The following KANK1 variants were observed in gnomAD, a reference collection of about 807,000 sequenced individuals.
KANK1 encodes KN motif and ankyrin repeat domains 1.
In KANK1, 109 loss-of-function variants were observed where a neutral mutation model predicts 106.2. The ratio of observed to expected loss-of-function variants is 1.03; its 90% confidence interval spans 0.88 to 1.20. The LOEUF (loss-of-function observed/expected upper bound fraction) is 1.20, where lower values mean the gene tolerates loss of function less well. Among genes scored for constraint, KANK1 ranks in the 50% most tolerant of loss-of-function variants. The pLI, the probability that KANK1 is intolerant of heterozygous loss-of-function variation, is 0.00. For synonymous variants in KANK1, 873 were observed against 652.2 expected, an observed-to-expected ratio of 1.34 and a Z score of -5.16; for missense variants, 2,399 against 1,710.7, an observed-to-expected ratio of 1.40 and a Z score of -7.10.
chr9:616,430 G>A (rs375979422), intron 1 of KANK1, among the ~76,000 whole-genome samples: 7 of 152,216 alleles, frequency 4.6e-5, no homozygotes, highest in African/African-American at 4.8e-5. Context: ...TTTAATTTAC[G>A]AAACCTCTAT....
At chr9:686,726 A>G in intron 2 of KANK1, 1 of 978,044 alleles carries the variant, frequency 1.0e-6, no homozygotes, top group Non-Finnish European at 1.2e-6. Context: ...TCATAAGTGC[A>G]ATGATTGTTA....
chr9:664,594 G>A (rs1844136446), intron 1 of KANK1, among the ~76,000 whole-genome samples: 1 of 152,146 alleles, frequency 6.6e-6, no homozygotes, highest in Non-Finnish European at 1.5e-5. Flanking sequence ...CACTTAGGTT[G>A]ATTCCATATT....
chr9:662,620 G>C (rs1011781654), intron 1 of KANK1, among the ~76,000 whole-genome samples: 2 of 151,534 alleles, frequency 1.3e-5, no homozygotes, highest in Non-Finnish European at 2.9e-5. Flanking sequence ...ACTATATTTA[G>C]AAAGCTGAAA....
intron 1 of KANK1, among the ~76,000 whole-genome samples, chr9:529,859 C>G (rs184065149): frequency 5.3e-5 from 8 of 152,352 alleles, no homozygotes; most frequent in Admixed American, 4.6e-4. Flanking sequence ...GTTACTCCAG[C>G]TGCCTTTCAT....
At chr9:616,565 C>T (rs1236580549) in intron 1 of KANK1, among the ~76,000 whole-genome samples, 3 of 152,176 alleles carry the variant, frequency 2.0e-5, no homozygotes, top group Non-Finnish European at 4.4e-5. Context: ...TTTCTGAATA[C>T]TTTATATCCT....
intron 1 of KANK1, among the ~76,000 whole-genome samples, chr9:565,816 T>C (rs1817660536): frequency 6.6e-6 from 1 of 152,194 alleles, no homozygotes; most frequent in South Asian, 2.1e-4. Flanking sequence ...TTACAAATCT[T>C]GTGACTTCCA....
intron 1 of KANK1, among the ~76,000 whole-genome samples, chr9:584,895 G>C (rs1447266827): frequency 6.6e-6 from 1 of 152,192 alleles, no homozygotes; most frequent in Non-Finnish European, 1.5e-5. Flanking sequence ...TTGGCAGGAA[G>C]TCTCTGCTTG....
At chr9:506,528 GT>G (rs1348135993) in intron 1 of KANK1, among the ~76,000 whole-genome samples, 2 of 91,720 alleles carry the variant, frequency 2.2e-5, no homozygotes, top group African/African-American at 3.6e-4. Context: ...TGAGTTCTGG[GT>G]GTGTGTGTGT....
Position 745,184 on chromosome 9 carries a change from G to T in KANK1, c.4008G>T (p.Arg1336Ser). The T allele has an allele frequency of 6.2e-7, 1 of 1,614,068 alleles. No homozygotes were observed. The change falls in exon 12 of 12, where the codon AGG becomes AGT. Residue 1336 changes from arginine to serine, a missense_variant. Coordinates refer to ENST00000382297, the MANE Select transcript of KANK1 (RefSeq NM_015158.5). ...FAKAQSPGTP[R>S]LGRKTSPGPT... Reference sequence around the variant, plus strand: ...TTCCTGGTCTCTAGGGCACCCCTAGGCTTGGAAGGAAGACGTCTCCTGGCC... The same window carrying T: ...TTCCTGGTCTCTAGGGCACCCCTAGTCTTGGAAGGAAGACGTCTCCTGGCC...
intron 1 of KANK1, among the ~76,000 whole-genome samples, chr9:545,875 A>G (rs779490998): frequency 1.3e-5 from 2 of 151,780 alleles, no homozygotes; most frequent in African/African-American, 2.4e-5. Flanking sequence ...CCTCCCAAGT[A>G]GCTGGGATTA....
rs7854558 is a variant in KANK1, at chr9:723,751, T to C, written c.2699-6300T>C. ...TTAAAATAATAGCAACCAATGGAAA[T>C]ACATGACTGGAATTCTGATGCAAAC... On this transcript the variant is annotated intron_variant, in intron 3 of 11. Coordinates refer to ENST00000382297, the MANE Select transcript of KANK1 (RefSeq NM_015158.5). Among the ~76,000 whole-genome samples, 353 of 152,204 alleles carry C rather than the reference T, an allele frequency of 2.3e-3. 2 individuals carry two copies. Among genetic ancestry groups the C allele is most frequent in the African/African-American group, 6.9e-3 (287 of 41,534 alleles).
intron 1 of KANK1, among the ~76,000 whole-genome samples, chr9:513,161 T>C (rs949633681): frequency 6.6e-6 from 1 of 152,254 alleles, no homozygotes; most frequent in Non-Finnish European, 1.5e-5. Context: ...TTGACACTTT[T>C]TATTTTTTCT....
chr9:715,526 G>T (rs1827447910), intron 3 of KANK1, among the ~76,000 whole-genome samples: 1 of 152,202 alleles, frequency 6.6e-6, no homozygotes, highest in South Asian at 2.1e-4. Flanking sequence ...CAGGGAGCAA[G>T]TTCGGTCTGG....
chr9:598,615 G>GTTTTCT (rs1563833607), intron 1 of KANK1, among the ~76,000 whole-genome samples: 5 of 73,334 alleles, frequency 6.8e-5, no homozygotes, highest in African/African-American at 1.9e-4. Flanking sequence ...TGTTTTGTTG[G>GTTTTCT]TTTTCTTTTT....
At chr9:600,122 A>T (rs921243617) in intron 1 of KANK1, among the ~76,000 whole-genome samples, 8 of 151,796 alleles carry the variant, frequency 5.3e-5, no homozygotes, top group African/African-American at 1.9e-4. Flanking sequence ...TTACATTCAC[A>T]TTATTGCGCA....
chr9:510,432 C>T (rs2058980140), intron 1 of KANK1, among the ~76,000 whole-genome samples: 1 of 152,166 alleles, frequency 6.6e-6, no homozygotes, highest in Non-Finnish European at 1.5e-5. Context: ...AGTGTTCATT[C>T]TACAAATGCA....
chr9:652,002 C>G (rs1400920656), intron 1 of KANK1, among the ~76,000 whole-genome samples: 1 of 152,156 alleles, frequency 6.6e-6, no homozygotes, highest in African/African-American at 2.4e-5. Context: ...GGAATGGAAT[C>G]TAGTTTCATT....
chr9:576,667 T>A (rs1345499310), intron 1 of KANK1, among the ~76,000 whole-genome samples: 4 of 152,162 alleles, frequency 2.6e-5, no homozygotes, highest in Non-Finnish European at 5.9e-5. Flanking sequence ...CAGTTTGTGT[T>A]GGAGATACAG....
chr9:483,145 G>A (rs1050816783), intron 3 of KANK1, among the ~76,000 whole-genome samples: 1 of 152,004 alleles, frequency 6.6e-6, no homozygotes, highest in African/African-American at 2.4e-5. Context: ...AAATTTATAA[G>A]TGAAACTTTA....
Sources: allele counts gnomAD v4.1 joint callset (sites outside exome capture counted in the v4.1 genomes callset), GRCh38; gene constraint gnomAD v4.1.1; transcripts MANE v1.5; gene names NCBI Gene and HGNC (gene_info 2026-07-23, HGNC 2026-07-21).